ADAMTS14: variants seen among roughly 807,000 people sequenced by gnomAD.
The protein encoded by ADAMTS14 is ADAM metallopeptidase with thrombospondin type 1 motif 14.
ADAMTS14 carries 100 observed loss-of-function variants against 128.6 expected under a neutral mutation model. The observed-to-expected ratio is 0.78, with a 90% CI of 0.66 to 0.92. The LOEUF (loss-of-function observed/expected upper bound fraction) is 0.92. ADAMTS14 is among the 40% of genes least tolerant of loss of function. ADAMTS14 has a pLI of 0.00. For missense variants in ADAMTS14, 1,562 were observed against 1,658.6 expected (o/e 0.94, Z 1.01); for synonymous variants, 665 against 653.8 (o/e 1.02, Z -0.26).
At chr10:70,753,365 A>G (rs941658394) in intron 18 of ADAMTS14, among the ~76,000 whole-genome samples, 2 of 152,188 alleles carry the variant, frequency 1.3e-5, no homozygotes, top group African/African-American at 2.4e-5. Context: ...CAGGAGCCCC[A>G]TGGGAAATTG....
At chr10:70,688,671 GC>G (rs1840070156) in intron 2 of ADAMTS14, among the ~76,000 whole-genome samples, 1 of 114,720 alleles carries the variant, frequency 8.7e-6, no homozygotes, top group African/African-American at 3.1e-5. Flanking sequence ...CTGGAGACTG[GC>G]CCGGCCAACA....
intron 2 of ADAMTS14, among the ~76,000 whole-genome samples, chr10:70,698,447 A>G (rs1449058489): frequency 6.6e-6 from 1 of 152,212 alleles, no homozygotes. Context: ...CTTGGGCCAA[A>G]CCTCTCATTG....
intron 3 of ADAMTS14, among the ~76,000 whole-genome samples, chr10:70,704,266 A>G (rs1486286921): frequency 4.6e-5 from 7 of 152,082 alleles, no homozygotes; most frequent in Non-Finnish European, 8.8e-5. Context: ...CCTGGAGTGG[A>G]GGGGACAATT....
chr10:70,714,946 CAAAAAA>C (rs58012076), intron 4 of ADAMTS14, among the ~76,000 whole-genome samples: 4 of 63,056 alleles, frequency 6.3e-5, no homozygotes, highest in East Asian at 3.9e-4. Context: ...ACTGCAGTCT[CAAAAAA>C]AAAAAAAAAA....
chr10:70,741,305 C>A (rs114922763), intron 12 of ADAMTS14, 143 bp downstream of exon 12: 32 of 997,518 alleles, frequency 3.2e-5, no homozygotes, highest in Non-Finnish European at 4.5e-5. Flanking sequence ...CTGAAGTCAG[C>A]GGGCTCACCA....
intron 4 of ADAMTS14, among the ~76,000 whole-genome samples, chr10:70,716,581 G>A (rs983334840): frequency 5.9e-5 from 9 of 152,162 alleles, no homozygotes; most frequent in African/African-American, 2.2e-4. Context: ...GCTTTTATTT[G>A]GCTGGGATGC....
intron 19 of ADAMTS14, among the ~76,000 whole-genome samples, chr10:70,756,353 T>C (rs1842479336): frequency 6.6e-6 from 1 of 152,200 alleles, no homozygotes; most frequent in African/African-American, 2.4e-5. Flanking sequence ...TATGTCTCCA[T>C]AATATATAGC....
At chr10:70,755,550 AAT>A (rs1487166089) in intron 19 of ADAMTS14, among the ~76,000 whole-genome samples, 1 of 152,170 alleles carries the variant, frequency 6.6e-6, no homozygotes, top group Non-Finnish European at 1.5e-5. Flanking sequence ...TAGACTTAAA[AAT>A]AGTTAAGATG....
At chr10:70,743,973 C>A in intron 13 of ADAMTS14, 93 bp from the exon 14 acceptor site, 1 of 1,478,988 alleles carries the variant, frequency 6.8e-7, no homozygotes, top group Non-Finnish European at 9.1e-7. Flanking sequence ...CAGAGGTCTT[C>A]TCCTGACCAG....
chr10:70,733,669 G>A (rs573064091), intron 7 of ADAMTS14, among the ~76,000 whole-genome samples: 1 of 152,212 alleles, frequency 6.6e-6, no homozygotes, highest in African/African-American at 2.4e-5. Context: ...CAGCAGGAGC[G>A]AAGGCTTGGA....
At chr10:70,729,069 G>A (rs943753930) in intron 4 of ADAMTS14, among the ~76,000 whole-genome samples, 2 of 152,124 alleles carry the variant, frequency 1.3e-5, no homozygotes, top group African/African-American at 4.8e-5. Context: ...GGGATTACAT[G>A]GTCTAAGATG....
In ADAMTS14 at chr10:70,760,351, T is replaced by A. The variant is rs775391394; in HGVS notation, c.3179-9T>A. The A allele has an allele frequency of 6.5e-7, 1 of 1,538,394 alleles. No homozygotes were observed. On this transcript the variant is annotated splice_polypyrimidine_tract_variant and intron_variant, in intron 21 of 21. Transcript: ENST00000373207. ...TGCTTCCATCCTTGTCCTTGTGCTG[T>A]GTGTGCAGCGGAGCCCTGCACGGGA... is the stretch of plus-strand genomic sequence containing the variant.
At chr10:70,676,440 G>C (rs1185444830) in intron 2 of ADAMTS14, among the ~76,000 whole-genome samples, 2 of 152,194 alleles carry the variant, frequency 1.3e-5, no homozygotes, top group Admixed American at 1.3e-4. Flanking sequence ...GAAGGTGGTA[G>C]GGCCCTCATG....
intron 4 of ADAMTS14, among the ~76,000 whole-genome samples, chr10:70,715,768 G>C (rs1043532608): frequency 6.6e-6 from 1 of 152,156 alleles, no homozygotes; most frequent in Non-Finnish European, 1.5e-5. Context: ...GGCTGGCCTG[G>C]CCTGAAACGT....
chr10:70,752,121 C>T lies in ADAMTS14; in HGVS notation c.2623C>T (p.Arg875Trp), dbSNP rs770167458. ...GGIQFTKYGC[R>W]RRRDHHMVQR... ...GATCCAGTTCACCAAATACGGCTGC[C>T]GGCGCAGACGAGACCACCACATGGT... The change falls in exon 18 of 22, where the codon CGG becomes TGG. Residue 875 changes from arginine to tryptophan, a missense_variant. Transcript: ENST00000373207. 25 of 1,612,972 alleles carry T rather than the reference C, an allele frequency of 1.5e-5. No homozygotes were observed. Among genetic ancestry groups the T allele is most frequent in the Admixed American group, 1.3e-4 (8 of 59,994 alleles).
At chr10:70,699,443 C>T (rs575135190) in intron 2 of ADAMTS14, among the ~76,000 whole-genome samples, 2 of 152,172 alleles carry the variant, frequency 1.3e-5, no homozygotes, top group South Asian at 4.2e-4. Context: ...TAGGAGTGTC[C>T]CTACACAGAA....
rs140907721 is a variant in ADAMTS14, at chr10:70,741,631, G to C, written c.1924+469G>C. ...TGTGTTTTTAGGTTTTACTGATTGGGTTGTGGTTTCAGCAGAGTCGATGAG... is the reference window on the plus strand; with the variant it reads ...TGTGTTTTTAGGTTTTACTGATTGGCTTGTGGTTTCAGCAGAGTCGATGAG... On this transcript the variant is annotated intron_variant, in intron 12 of 21. Coordinates refer to ENST00000373207, the MANE Select transcript of ADAMTS14 (RefSeq NM_080722.4). Among the ~76,000 whole-genome samples, 747 of 152,286 alleles carry C rather than the reference G, an allele frequency of 4.9e-3. 7 individuals carry two copies. Among genetic ancestry groups the C allele is most frequent in the African/African-American group, 0.017 (700 of 41,568 alleles).
intron 14 of ADAMTS14, among the ~76,000 whole-genome samples, chr10:70,745,022 T>C (rs1455790660): frequency 6.6e-6 from 1 of 151,980 alleles, no homozygotes; most frequent in African/African-American, 2.4e-5. Flanking sequence ...CCCTTAGAGT[T>C]TACAGGACAT....
At chr10:70,678,491 G>A (rs1269317788) in intron 2 of ADAMTS14, among the ~76,000 whole-genome samples, 1 of 152,064 alleles carries the variant, frequency 6.6e-6, no homozygotes, top group Non-Finnish European at 1.5e-5. Flanking sequence ...GGGGTGGGGA[G>A]GGCCTTCTGG....
Sources: gnomAD v4.1 joint callset for allele counts (sites outside exome capture counted in the v4.1 genomes callset) on GRCh38, gnomAD v4.1.1 for gene constraint, MANE v1.5 for transcripts, NCBI Gene and HGNC (gene_info 2026-07-23, HGNC 2026-07-21) for gene names.